The following COL16A1 variants were observed in gnomAD, a reference collection of about 807,000 sequenced individuals.
The protein encoded by COL16A1 is collagen alpha-1(XVI) chain.
COL16A1 carries 189 observed loss-of-function variants against 266.3 expected under a neutral mutation model. The observed-to-expected ratio is 0.71, with a 90% CI of 0.63 to 0.80. The LOEUF is 0.80. COL16A1 is among the 30% of genes least tolerant of loss of function. COL16A1 has a pLI of 0.00. For synonymous variants in COL16A1, 740 were observed against 782.3 expected, an observed-to-expected ratio of 0.95 and a Z score of 0.90; for missense variants, 1,928 against 2,122.4, an observed-to-expected ratio of 0.91 and a Z score of 1.80.
chr1:31,667,103 G>A (rs548015266), intron 52 of COL16A1, among the ~76,000 whole-genome samples: 18 of 152,248 alleles, frequency 1.2e-4, no homozygotes, highest in Non-Finnish European at 2.2e-4. Context: ...TCTGAGGTTT[G>A]TGAGGTTTGT....
intron 42 of COL16A1, 49 bp from the exon 43 acceptor site, chr1:31,675,360 G>A: frequency 6.3e-7 from 1 of 1,598,952 alleles, no homozygotes; most frequent in Non-Finnish European, 8.5e-7. Context: ...TCTCTAGCCT[G>A]CTGGTCAGCC....
In COL16A1 at chr1:31,662,526, T is replaced by C. The variant is rs1203094724; in HGVS notation, c.3627+61A>G. The C allele has an allele frequency of 7.1e-6, 11 of 1,546,846 alleles. No individual in the cohort carries two copies. In the East Asian group the frequency reaches 9.7e-5, roughly 14 times the overall value. On this transcript the variant is annotated intron_variant, in intron 57 of 70. Coordinates refer to ENST00000373672, the MANE Select transcript of COL16A1 (RefSeq NM_001856.4). Reference sequence around the variant, plus strand: ...ACACACACAGGTGCACACACACACATGCACCACACACATGCGCATGCATCG... The same window carrying C: ...ACACACACAGGTGCACACACACACACGCACCACACACATGCGCATGCATCG...
At chr1:31,666,171 A>G in intron 52 of COL16A1, 90 bp from the exon 53 acceptor site, 1 of 1,367,500 alleles carries the variant, frequency 7.3e-7, no homozygotes, top group Non-Finnish European at 1.0e-6. Flanking sequence ...CCCAGAACAG[A>G]GGTGGCATGT....
chr1:31,702,295 G>A, intron 1 of COL16A1, 68 bp from the exon 2 acceptor site: 5 of 1,523,108 alleles, frequency 3.3e-6, no homozygotes, highest in Non-Finnish European at 4.5e-6. Flanking sequence ...ACGTGGGCAA[G>A]TCGTGGACAG....
At chr1:31,702,791 G>A (rs1013489177) in intron 1 of COL16A1, among the ~76,000 whole-genome samples, 2 of 152,168 alleles carry the variant, frequency 1.3e-5, no homozygotes, top group African/African-American at 4.8e-5. Flanking sequence ...AGGGCTGTGT[G>A]GGGGCCAAGG....
In COL16A1 at chr1:31,667,631, G is replaced by A. The variant is rs1642251368; in HGVS notation, c.3304-3C>T. On this transcript the variant is annotated splice_region_variant and splice_polypyrimidine_tract_variant and intron_variant, in intron 51 of 70. Coordinates refer to ENST00000373672, the MANE Select transcript of COL16A1 (RefSeq NM_001856.4). Reference sequence around the variant, plus strand: ...TAGCCACGCTCCCCCTTGATGCCCTGACAAGTGGCAAAGAGACAGTGGAAT... The same window carrying A: ...TAGCCACGCTCCCCCTTGATGCCCTAACAAGTGGCAAAGAGACAGTGGAAT... 6.2e-7 allele frequency: 1 copy of A among 1,604,778 alleles called. No homozygotes were observed.
rs1641930790 is a variant in COL16A1 at position 31,664,183 on chromosome 1, A to G, written c.3555+989T>C. The stretch of plus-strand genomic sequence containing the variant: ...GAAGGGGAAGGGGAAGGGGAAGGGG[A>G]AGGGGAAGGGGAAGGGGGCTAGCAA... On this transcript the variant is annotated intron_variant, in intron 56 of 70. Transcript: ENST00000373672. The surrounding 1 kb of genome is among the most constrained non-coding windows in gnomAD (Gnocchi z 5.5). Among the ~76,000 whole-genome samples, 2 of 147,882 alleles carry G rather than the reference A, an allele frequency of 1.4e-5. No homozygotes were observed. Among genetic ancestry groups the G allele is most frequent in the Non-Finnish European group, 3.0e-5 (2 of 67,000 alleles).
chr1:31,653,746 AACACACACACACACAC>A, intron 69 of COL16A1, 70 bp from the exon 70 acceptor site: 5 of 1,456,238 alleles, frequency 3.4e-6, no homozygotes, highest in Non-Finnish European at 2.8e-6. Flanking sequence ...GATTACTTGA[AACACACACACACACAC>A]ACACACACAC....
Position 31,661,341 on chromosome 1 carries a change from T to C in COL16A1, c.3771+73A>G, listed in dbSNP as rs867029719. ...GATGGCCTCTCTGCCCAGGATAGGC[T>C]GCCATGTATGCCTGGGGGCAAGCCT... On this transcript the variant is annotated intron_variant, in intron 60 of 70. Coordinates refer to ENST00000373672, the MANE Select transcript of COL16A1 (RefSeq NM_001856.4). 4 of 1,610,272 alleles carry C rather than the reference T, an allele frequency of 2.5e-6. 1 individual carries two copies. In the Middle Eastern group the frequency reaches 7.0e-4, roughly 281 times the overall value.
chr1:31,662,537 C>T (rs1557618165), intron 57 of COL16A1, 50 bp downstream of exon 57: 4 of 1,548,772 alleles, frequency 2.6e-6, no homozygotes, highest in Admixed American at 1.9e-5. Flanking sequence ...GCACCACACA[C>T]ATGCGCATGC....
At chr1:31,679,156 A>G (rs1643417100) in intron 42 of COL16A1, 5 of 402,582 alleles carry the variant, frequency 1.2e-5, no homozygotes, top group Non-Finnish European at 2.2e-5. Context: ...TTTCTAACAC[A>G]CTATATTTTA....
intron 62 of COL16A1, chr1:31,659,588 T>C (rs1641464280): frequency 6.5e-6 from 1 of 154,720 alleles, no homozygotes; most frequent in Non-Finnish European, 1.4e-5. Context: ...CTGATCAGAG[T>C]GACACCTTCT....
chr1:31,668,127 C>G lies in COL16A1; in HGVS notation c.3303+38G>C. 1.3e-6 allele frequency: 2 copies of G among 1,580,612 alleles called. No individual in the cohort carries two copies. Among genetic ancestry groups the G allele is most frequent in the Non-Finnish European group, 1.7e-6 (2 of 1,158,022 alleles). The stretch of plus-strand genomic sequence containing the variant: ...TGACCACCAGCCCAAACCTCTGGTA[C>G]CTGGCACCCACTCCCCAGCAAGGGT... On this transcript the variant is annotated intron_variant, in intron 51 of 70. Transcript: ENST00000373672. The surrounding 1 kb of genome is among the most constrained non-coding windows in gnomAD (Gnocchi z 5.8).
Position 31,697,877 on chromosome 1 carries a change from C to A in COL16A1, c.657+29G>T. 1.9e-6 allele frequency: 3 copies of A among 1,564,720 alleles called. No individual in the cohort carries two copies. Among genetic ancestry groups the A allele is most frequent in the Non-Finnish European group, 2.6e-6 (3 of 1,152,892 alleles). ...CACTCAGGTTCCCAGAAGGCAGGAA[C>A]AGAGGTCAGGGCCTGACCTAGCACT... On this transcript the variant is annotated intron_variant, in intron 6 of 70. Transcript: ENST00000373672. The surrounding 1 kb of genome is among the most constrained non-coding windows in gnomAD (Gnocchi z 4.2).
At chr1:31,678,211 G>T (rs1317403589) in intron 42 of COL16A1, among the ~76,000 whole-genome samples, 1 of 152,166 alleles carries the variant, frequency 6.6e-6, no homozygotes, top group African/African-American at 2.4e-5. Context: ...GGGGAGGGAA[G>T]ATACAAAATC....
intron 2 of COL16A1, chr1:31,701,349 C>T: frequency 2.0e-6 from 2 of 985,424 alleles, no homozygotes; most frequent in Non-Finnish European, 2.4e-6. Context: ...AGCAGAAACA[C>T]ATATGTGCAC....
In COL16A1 at chr1:31,662,671, G is replaced by GCCCCCCCCCCC; in HGVS notation, c.3556-14_3556-13insGGGGGGGGGGG. 6.8e-7 allele frequency: 1 copy of GCCCCCCCCCCC among 1,463,436 alleles called. No homozygotes were observed. Among genetic ancestry groups the GCCCCCCCCCCC allele is most frequent in the Non-Finnish European group, 9.1e-7 (1 of 1,102,262 alleles). 90.7% of individuals were successfully genotyped at this position (1,463,436 alleles called of 1,614,324 possible). A position where few individuals can be genotyped will look rare whatever the true frequency, so the allele number is the denominator to read the frequency against. ...TCCCTTCGCTGCCCTGGAAACCAGC[G>GCCCCCCCCCCC]CCGCCCCCCCCCCCCGCCCCACAAT... is the stretch of plus-strand genomic sequence containing the variant. On this transcript the variant is annotated splice_polypyrimidine_tract_variant and intron_variant, in intron 56 of 70. Transcript: ENST00000373672.
intron 19 of COL16A1, 34 bp downstream of exon 19, chr1:31,691,383 A>G (rs767516298): frequency 7.5e-6 from 12 of 1,596,148 alleles, no homozygotes; most frequent in Non-Finnish European, 9.4e-6. Flanking sequence ...GGTCTCTGAG[A>G]AAAGCACAGC....
chr1:31,656,858 T>C lies in COL16A1; in HGVS notation c.4056+175A>G. The C allele has an allele frequency of 3.3e-6, 2 of 613,620 alleles. No individual in the cohort carries two copies. Among genetic ancestry groups the C allele is most frequent in the Non-Finnish European group, 5.5e-6 (2 of 361,896 alleles). The allele number at this position is 613,620 out of a possible 1,614,324, so 38.0% of individuals were successfully genotyped here. On this transcript the variant is annotated intron_variant, in intron 65 of 70. Coordinates refer to ENST00000373672, the MANE Select transcript of COL16A1 (RefSeq NM_001856.4). This position sits in a 1 kb window ranked among gnomAD's most constrained non-coding sequence, Gnocchi z 4.2. ...AAAAAAAAGGTAAAACAAATCTCAC[T>C]CCCATCCTTGGCCTCAAGTCTCTAA... is the stretch of plus-strand genomic sequence containing the variant.
Sources: allele counts gnomAD v4.1 joint callset (sites outside exome capture counted in the v4.1 genomes callset), GRCh38; gene constraint gnomAD v4.1.1; non-coding constraint Gnocchi (gnomAD v3.1); transcripts MANE v1.5; gene names NCBI Gene and HGNC (gene_info 2026-07-23, HGNC 2026-07-21).